Variants in RAB11FIP3 observed in about 807,000 individuals in gnomAD.
The protein encoded by RAB11FIP3 is RAB11 family interacting protein 3, also known as rab11 family-interacting protein 3.
A neutral mutation model predicts 77.8 loss-of-function variants in RAB11FIP3; 17 were observed. The observed-to-expected ratio is 0.22, with a 90% confidence interval of 0.15 to 0.33. RAB11FIP3 has a LOEUF of 0.33. Ranked by LOEUF, RAB11FIP3 falls within the 10% of genes least tolerant of loss-of-function variation. RAB11FIP3 has a pLI of 1.00. For missense variants in RAB11FIP3, 1,005 were observed against 1,011.2 expected (o/e 0.99, Z 0.08); for synonymous variants, 437 against 448.2 (o/e 0.98, Z 0.31).
At position 519,008 on chromosome 16, in the gene RAB11FIP3, T is replaced by C. The variant is rs759957493; in HGVS notation, c.1706T>C (p.Ile569Thr). 2.6e-5 allele frequency: 42 copies of C among 1,613,340 alleles called. 1 individual carries two copies. Among genetic ancestry groups the C allele is most frequent in the East Asian group, 6.7e-5 (3 of 44,894 alleles). The change falls in exon 10 of 14, where the codon ATT (isoleucine) becomes ACT (threonine). Residue 569 changes from isoleucine (I) to threonine (T), a missense_variant. By Grantham distance (89) the Ile-to-Thr change is moderately conservative. This residue lies in a region of RAB11FIP3 where 433 missense variants were observed against 436.1 expected (regional missense o/e 0.99). Coordinates refer to ENST00000262305, the MANE Select transcript of RAB11FIP3 (RefSeq NM_014700.4). ...TGCACGCCCTGTCTGAAGGCCAACA[T>C]TGAGCGTCTGGAGGAGGTGAGCTGC... is the stretch of plus-strand genomic sequence containing the variant. The part of the protein sequence containing the change: ...RSCTPCLKAN[I>T]ERLEEEKQKL...
intron 6 of RAB11FIP3, chr16:497,590 G>T: frequency 8.4e-6 from 6 of 715,936 alleles, no homozygotes; most frequent in Non-Finnish European, 1.1e-5. Flanking sequence ...CTGTTGTGCC[G>T]GGCGTTCTCC....
chr16:510,729 C>A lies in RAB11FIP3; in HGVS notation c.1569C>A (p.Thr523=). 6.2e-7 allele frequency: 1 copy of A among 1,613,132 alleles called. No individual in the cohort carries two copies. Among genetic ancestry groups the A allele is most frequent in the South Asian group, 1.1e-5 (1 of 91,042 alleles). Residue 523 remains threonine (T), a synonymous_variant, in exon 9 of 14, where the codon ACC becomes ACA. Transcript: ENST00000262305. ...CCTGCGAGATGGTCCTGGAAGAGAC[C>A]CGGCGTCAGAAGGAGCTCCTGTGCA... ...LRACEMVLEE[T]RRQKELLCKM...
intron 1 of RAB11FIP3, among the ~76,000 whole-genome samples, chr16:435,751 A>G (rs2055117397): frequency 6.6e-6 from 1 of 151,960 alleles, no homozygotes; most frequent in Non-Finnish European, 1.5e-5. Flanking sequence ...CTAGTAAAAA[A>G]AATCATTACA....
At chr16:488,028 T>A (rs2056192896) in intron 4 of RAB11FIP3, among the ~76,000 whole-genome samples, 1 of 151,848 alleles carries the variant, frequency 6.6e-6, no homozygotes, top group Non-Finnish European at 1.5e-5. Context: ...GAGTGAGGAG[T>A]GTGAAGAGGC....
chr16:461,640 G>C lies in RAB11FIP3; in HGVS notation c.808+143G>C, dbSNP rs961555580. On this transcript the variant is annotated intron_variant, in intron 2 of 13. Coordinates refer to ENST00000262305, the MANE Select transcript of RAB11FIP3 (RefSeq NM_014700.4). The surrounding 1 kb of genome is among the most constrained non-coding windows in gnomAD (Gnocchi z 4.5). ...GCCCCCAACATACCCCAGGTTTCCA[G>C]GTGGTCTCTTTCCTTTCTTGTTACC... 3.2e-6 allele frequency: 2 copies of C among 627,008 alleles called. No individual in the cohort carries two copies. The highest frequency in any genetic ancestry group is 2.7e-6 in the Non-Finnish European group (1 of 367,610). 38.8% of individuals were successfully genotyped at this position (627,008 alleles called of 1,614,324 possible). A position where few individuals can be genotyped will look rare whatever the true frequency, so the allele number is the denominator to read the frequency against.
chr16:486,663 G>A (rs905763356), intron 4 of RAB11FIP3, among the ~76,000 whole-genome samples: 14 of 152,194 alleles, frequency 9.2e-5, no homozygotes, highest in Non-Finnish European at 1.6e-4. Context: ...CGTGTGGCCT[G>A]GGCCTCTTGG....
intron 10 of RAB11FIP3, 49 bp downstream of exon 10, chr16:519,073 C>T (rs774044450): frequency 3.3e-5 from 52 of 1,583,716 alleles, no homozygotes; most frequent in Non-Finnish European, 1.1e-5. Flanking sequence ...CAGCCCATGC[C>T]CTGCCTGTGG....
intron 4 of RAB11FIP3, among the ~76,000 whole-genome samples, chr16:484,615 A>G (rs1377124300): frequency 6.6e-6 from 1 of 152,116 alleles, no homozygotes; most frequent in Admixed American, 6.5e-5. Context: ...GGCCTCCCGA[A>G]GTGCTGGGAT....
chr16:496,708 G>A (rs1464268730), intron 5 of RAB11FIP3, 116 bp from the exon 6 acceptor site: 11 of 1,011,016 alleles, frequency 1.1e-5, no homozygotes, highest in African/African-American at 4.8e-5. Flanking sequence ...CCTGCATGCC[G>A]GGAGCATTGC....
At chr16:431,959 G>C (rs182998133) in intron 1 of RAB11FIP3, among the ~76,000 whole-genome samples, 3 of 151,900 alleles carry the variant, frequency 2.0e-5, no homozygotes, top group Admixed American at 6.6e-5. Flanking sequence ...AGGTTTCACC[G>C]TGTTAGCCAG....
At chr16:488,774 A>G (rs1643875816) in intron 4 of RAB11FIP3, 77 bp from the exon 5 acceptor site, 3 of 1,495,816 alleles carry the variant, frequency 2.0e-6, no homozygotes, top group Admixed American at 3.9e-5. Context: ...CACCCTATGG[A>G]AAGCACCTTC....
chr16:441,026 C>T (rs2055216469), intron 1 of RAB11FIP3, among the ~76,000 whole-genome samples: 1 of 152,104 alleles, frequency 6.6e-6, no homozygotes, highest in South Asian at 2.1e-4. Flanking sequence ...CTGCAACCTC[C>T]AGCTCCCAGG....
At position 506,984 on chromosome 16, in the gene RAB11FIP3, A is replaced by G. The variant is rs756976156; in HGVS notation, c.1499+1357A>G. Among the ~76,000 whole-genome samples the G allele has an allele frequency of 1.3e-4, 20 of 152,190 alleles. No individual in the cohort carries two copies. The highest frequency in any genetic ancestry group is 3.4e-3 in the Middle Eastern group (1 of 292). On this transcript the variant is annotated intron_variant, in intron 8 of 13. Transcript: ENST00000262305. The surrounding 1 kb of genome is among the most constrained non-coding windows in gnomAD (Gnocchi z 4.5). Reference sequence around the variant, plus strand: ...TGCACTTGTTTTGTTTTGTTTTTTGAGAGACAGGGCCTCGCTCTGTTGCTC... The same window carrying G: ...TGCACTTGTTTTGTTTTGTTTTTTGGGAGACAGGGCCTCGCTCTGTTGCTC...
In RAB11FIP3 at chr16:508,364, C is replaced by CGTTTT. The variant is rs538830230; in HGVS notation, c.1500-2275_1500-2271dup. Among the ~76,000 whole-genome samples, 25 of 152,172 alleles carry CGTTTT rather than the reference C, an allele frequency of 1.6e-4. No individual in the cohort carries two copies. In the East Asian group the frequency reaches 1.7e-3, roughly 11 times the overall value. On this transcript the variant is annotated intron_variant, in intron 8 of 13. Transcript: ENST00000262305. ...TGCACCTGGTTTTCAGCCTTTATTT[C>CGTTTT]GTTTTGTTTTGTTTTGTTTTGTTTT...
chr16:464,961 T>C (rs1486587436), intron 2 of RAB11FIP3, among the ~76,000 whole-genome samples: 9 of 152,220 alleles, frequency 5.9e-5, no homozygotes, highest in Non-Finnish European at 1.3e-4. Flanking sequence ...ATGCGATCTT[T>C]ATGACACTGA....
At chr16:490,755 G>A (rs2030102781) in intron 5 of RAB11FIP3, among the ~76,000 whole-genome samples, 2 of 152,210 alleles carry the variant, frequency 1.3e-5, no homozygotes, top group Admixed American at 1.3e-4. Flanking sequence ...GACATGGTTC[G>A]CTATCACATT....
intron 9 of RAB11FIP3, among the ~76,000 whole-genome samples, chr16:511,640 G>A (rs1365983870): frequency 1.0e-5 from 1 of 100,000 alleles, no homozygotes; most frequent in East Asian, 3.6e-4. Flanking sequence ...AGAGGTTCCC[G>A]ACGGCCCGCC....
chr16:497,326 G>C (rs1231510200), intron 6 of RAB11FIP3: 1 of 1,304,196 alleles, frequency 7.7e-7, no homozygotes, highest in East Asian at 5.5e-5. Context: ...TGCTGTGAAA[G>C]ATGGCAACAT....
In RAB11FIP3 at chr16:520,966, C is replaced by T; in HGVS notation, c.*127C>T. 1.0e-5 allele frequency: 8 copies of T among 781,226 alleles called. No homozygotes were observed. Among genetic ancestry groups the T allele is most frequent in the South Asian group, 3.2e-5 (2 of 62,844 alleles). The allele number at this position is 781,226 out of a possible 1,614,324, so 48.4% of individuals were successfully genotyped here. On this transcript the variant is annotated 3_prime_UTR_variant, in exon 14 of 14. Coordinates refer to ENST00000262305, the MANE Select transcript of RAB11FIP3 (RefSeq NM_014700.4). ...GTGCCCAGAGCATGCAGGGAACCCT[C>T]GTGCAGCTGAGCTGGGGCCGCCAAA...
Sources: gnomAD v4.1 joint callset for allele counts (sites outside exome capture counted in the v4.1 genomes callset) on GRCh38, gnomAD v4.1.1 for gene constraint, gnomAD v4.1.1 regional missense constraint, Gnocchi (gnomAD v3.1) non-coding constraint, MANE v1.5 for transcripts, NCBI Gene and HGNC (gene_info 2026-07-23, HGNC 2026-07-21) for gene names.